The following SLC4A4 variants were observed in gnomAD, a reference collection of about 807,000 sequenced individuals.
The protein encoded by SLC4A4 is solute carrier family 4 member 4, also known as electrogenic sodium bicarbonate cotransporter 1.
A neutral mutation model predicts 111.5 loss-of-function variants in SLC4A4; 27 were observed. The observed-to-expected ratio is 0.24, with a 90% confidence interval of 0.18 to 0.33. SLC4A4 has a LOEUF of 0.33. Among genes scored for constraint, SLC4A4 ranks in the 10% least tolerant of loss-of-function variants. SLC4A4 has a pLI of 1.00. For synonymous variants in SLC4A4, 443 were observed against 463.4 expected, an observed-to-expected ratio of 0.96 and a Z score of 0.57; for missense variants, 909 against 1,315.5, an observed-to-expected ratio of 0.69 and a Z score of 4.78.
chr4:71,223,844 G>A lies in SLC4A4; in HGVS notation c.-1-12732G>A, dbSNP rs138189614. Among the ~76,000 whole-genome samples the A allele has an allele frequency of 1.7e-4, 26 of 152,042 alleles. No individual in the cohort carries two copies. The East Asian group carries it at 4.7e-3, about 27-fold the overall frequency. ...ATTCCCACAGAAGCCCGTCTTCACT[G>A]CCCGCTTCTGTTCCCTTCCGAACTC... On this transcript the variant is annotated intron_variant, in intron 1 of 25. Transcript: ENST00000264485.
intron 2 of SLC4A4, among the ~76,000 whole-genome samples, chr4:71,244,770 A>G (rs1578664057): frequency 1.5e-5 from 1 of 66,368 alleles, no homozygotes; most frequent in Admixed American, 2.4e-4. Flanking sequence ...CTGATGGACC[A>G]TGCTTTTTTT....
intron 12 of SLC4A4, among the ~76,000 whole-genome samples, chr4:71,462,283 T>C (rs1577963036): frequency 1.3e-5 from 2 of 152,156 alleles, no homozygotes; most frequent in African/African-American, 4.8e-5. Flanking sequence ...AGAAGTAGGA[T>C]TTAGAAAGGT....
intron 2 of SLC4A4, among the ~76,000 whole-genome samples, chr4:71,101,325 C>A (rs999147745): frequency 6.6e-6 from 1 of 152,128 alleles, no homozygotes; most frequent in Non-Finnish European, 1.5e-5. Context: ...TAAAAATGAT[C>A]ATACTACCCA....
intron 3 of SLC4A4, among the ~76,000 whole-genome samples, chr4:71,277,687 GCT>G (rs1031772040): frequency 7.8e-6 from 1 of 128,742 alleles, no homozygotes; most frequent in Non-Finnish European, 1.6e-5. Context: ...TTTTTCTCTC[GCT>G]CTGTCTTTTT....
chr4:71,470,250 G>C (rs6820882), intron 13 of SLC4A4, among the ~76,000 whole-genome samples: 1 of 151,594 alleles, frequency 6.6e-6, no homozygotes, highest in African/African-American at 2.4e-5. Flanking sequence ...GTGGTGTTCC[G>C]GACACAAAGC....
At chr4:71,144,663 A>G (rs1305140782) in intron 2 of SLC4A4, among the ~76,000 whole-genome samples, 2 of 151,526 alleles carry the variant, frequency 1.3e-5, no homozygotes, top group Non-Finnish European at 2.9e-5. Flanking sequence ...GGTCCTTCAC[A>G]TCCCTTGTAA....
chr4:71,106,951 GAA>G (rs888017363), intron 2 of SLC4A4, among the ~76,000 whole-genome samples: 1 of 143,068 alleles, frequency 7.0e-6, no homozygotes, highest in Admixed American at 6.9e-5. Context: ...TAAATAATAA[GAA>G]AAAAAAGTCT....
At chr4:71,343,465 T>G (rs1434947211) in intron 4 of SLC4A4, among the ~76,000 whole-genome samples, 1 of 152,112 alleles carries the variant, frequency 6.6e-6, no homozygotes, top group Admixed American at 6.5e-5. Flanking sequence ...AAAATTGACA[T>G]GTCTAAAACT....
chr4:71,142,648 G>A (rs1477283827), intron 2 of SLC4A4, among the ~76,000 whole-genome samples: 2 of 151,962 alleles, frequency 1.3e-5, no homozygotes, highest in Admixed American at 6.6e-5. Flanking sequence ...CTGAGTCTTC[G>A]GCTTTTTGCA....
chr4:71,565,094 G>T (rs1307556502), intron 24 of SLC4A4, among the ~76,000 whole-genome samples: 1 of 151,632 alleles, frequency 6.6e-6, no homozygotes, highest in Non-Finnish European at 1.5e-5. Flanking sequence ...CAAGAATAGG[G>T]ACTCAAGGGC....
chr4:71,070,761 A>C (rs1741639965), intron 1 of SLC4A4, among the ~76,000 whole-genome samples: 1 of 152,224 alleles, frequency 6.6e-6, no homozygotes, highest in Non-Finnish European at 1.5e-5. Context: ...ACATCAGAGA[A>C]TGAGTGAAGA....
At chr4:71,107,422 T>C (rs1560723287) in intron 2 of SLC4A4, among the ~76,000 whole-genome samples, 1 of 152,010 alleles carries the variant, frequency 6.6e-6, no homozygotes. Context: ...TCTCGGCTCA[T>C]TGCAACCTCT....
In SLC4A4 at chr4:71,571,812, A is replaced by G. The variant is rs1229446926; in HGVS notation, c.*4061A>G. 1 of 152,256 alleles carries G rather than the reference A, an allele frequency of 6.6e-6. No individual in the cohort carries two copies. The highest frequency in any genetic ancestry group is 1.5e-5 in the Non-Finnish European group (1 of 67,882). 9.4% of individuals were successfully genotyped at this position (152,256 alleles called of 1,614,324 possible). A position where few individuals can be genotyped will look rare whatever the true frequency, so the allele number is the denominator to read the frequency against. On this transcript the variant is annotated 3_prime_UTR_variant, in exon 26 of 26. Coordinates refer to ENST00000264485, the MANE Select transcript of SLC4A4 (RefSeq NM_001098484.3). ...ATTTTTATTCTCTTAAGTCTTTATT[A>G]ACTTTGGAGAGAGAAATGATGCATC...
intron 1 of SLC4A4, among the ~76,000 whole-genome samples, chr4:71,213,401 A>G (rs529680596): frequency 1.2e-4 from 19 of 152,334 alleles, no homozygotes; most frequent in Admixed American, 5.9e-4. Flanking sequence ...TTTTGAGACT[A>G]AAACACAAGA....
At chr4:71,169,906 G>A (rs1744887781) in intron 2 of SLC4A4, among the ~76,000 whole-genome samples, 1 of 152,166 alleles carries the variant, frequency 6.6e-6, no homozygotes, top group African/African-American at 2.4e-5. Context: ...ACAAAACCCT[G>A]CAAGATTTGT....
At position 71,288,571 on chromosome 4, in the gene SLC4A4, G is replaced by T. The variant is rs569825957; in HGVS notation, c.253+33172G>T. Among the ~76,000 whole-genome samples the T allele has an allele frequency of 5.3e-5, 8 of 152,148 alleles. No individual in the cohort carries two copies. The South Asian group carries it at 1.7e-3, about 32-fold the overall frequency. On this transcript the variant is annotated intron_variant, in intron 3 of 25. Coordinates refer to ENST00000264485, the MANE Select transcript of SLC4A4 (RefSeq NM_001098484.3). ...GTGCCACCATGCCTGCCTAATTTTTGTGTTTTTAGTAGAGACGAGGTTTCA... is the reference window on the plus strand; with the variant it reads ...GTGCCACCATGCCTGCCTAATTTTTTTGTTTTTAGTAGAGACGAGGTTTCA...
intron 1 of SLC4A4, among the ~76,000 whole-genome samples, chr4:71,226,882 C>T (rs917332255): frequency 7.3e-5 from 11 of 150,320 alleles, no homozygotes; most frequent in Non-Finnish European, 1.5e-4. Context: ...AGTCACTACA[C>T]ATAGTCACTA....
chr4:71,376,257 A>C (rs1408233015), intron 6 of SLC4A4, among the ~76,000 whole-genome samples: 1 of 151,016 alleles, frequency 6.6e-6, no homozygotes, highest in Non-Finnish European at 1.5e-5. Context: ...GCTGGAGTGC[A>C]GTGGCGCGAT....
At chr4:71,265,474 AGAG>A (rs1270118454) in intron 3 of SLC4A4, among the ~76,000 whole-genome samples, 3 of 152,276 alleles carry the variant, frequency 2.0e-5, no homozygotes, top group African/African-American at 4.8e-5. Context: ...AAAAGGAGAG[AGAG>A]GAGATGATTT....
Sources: gnomAD v4.1 joint callset for allele counts (sites outside exome capture counted in the v4.1 genomes callset) on GRCh38, gnomAD v4.1.1 for gene constraint, MANE v1.5 for transcripts, NCBI Gene and HGNC (gene_info 2026-07-23, HGNC 2026-07-21) for gene names.